The following IFT88 variants were observed in gnomAD, a reference collection of about 807,000 sequenced individuals.
IFT88 encodes the protein intraflagellar transport 88.
Under a neutral mutation model 119.5 loss-of-function variants are expected in IFT88, and 74 were observed. That is an observed-to-expected ratio of 0.62 (90% CI 0.51 to 0.75). The LOEUF (loss-of-function observed/expected upper bound fraction) is 0.75, where lower values mean the gene tolerates loss of function less well. Ranked by LOEUF, IFT88 falls within the 30% of genes least tolerant of loss-of-function variation. The pLI is 0.00. For synonymous variants in IFT88, 279 were observed against 316.7 expected (o/e 0.88, Z 1.26); for missense variants, 961 against 977.7 (o/e 0.98, Z 0.23).
chr13:20,646,396 A>G (rs1434750155), intron 20 of IFT88, among the ~76,000 whole-genome samples: 1 of 149,438 alleles, frequency 6.7e-6, no homozygotes, highest in Non-Finnish European at 1.5e-5. Flanking sequence ...TCTGCTTCCC[A>G]GGTTTAAGCG....
chr13:20,637,849 A>C (rs1382270476), intron 16 of IFT88, among the ~76,000 whole-genome samples: 1 of 152,234 alleles, frequency 6.6e-6, no homozygotes, highest in African/African-American at 2.4e-5. Context: ...ATTTAAGAAC[A>C]GAGAGGTTCC....
At position 20,660,898 on chromosome 13, in the gene IFT88, T is replaced by G. The variant is rs1413688805; in HGVS notation, c.2069-2600T>G. ...AGTTGGGGGCCATCTTCATATAAAT[T>G]TATTTCAGTATATTTAGCACATATT... On this transcript the variant is annotated intron_variant, in intron 22 of 25. Coordinates refer to ENST00000351808, the MANE Select transcript of IFT88 (RefSeq NM_006531.5). Among the ~76,000 whole-genome samples, 2 of 152,222 alleles carry G rather than the reference T, an allele frequency of 1.3e-5. 1 individual carries two copies. Among genetic ancestry groups the G allele is most frequent in the Middle Eastern group, 6.3e-3 (2 of 316 alleles).
chr13:20,665,198 T>C lies in IFT88; in HGVS notation c.2175+1594T>C, dbSNP rs528514918. On this transcript the variant is annotated intron_variant, in intron 23 of 25. Transcript: ENST00000351808. ...ACTATTCAAATACAGAAATGCTGTT[T>C]CAATATTTGCCAGTTTTCCCCCAAA... 5.3e-5 allele frequency among the ~76,000 whole-genome samples: 8 copies of C among 152,378 alleles called. No individual in the cohort carries two copies. In the South Asian group the frequency reaches 6.2e-4, roughly 12 times the overall value.
At chr13:20,648,129 G>C (rs758048510) in intron 20 of IFT88, among the ~76,000 whole-genome samples, 33 of 152,192 alleles carry the variant, frequency 2.2e-4, no homozygotes, top group Admixed American at 3.3e-4. Context: ...AAGCGTGATG[G>C]CTTATACCTG....
At chr13:20,685,242 G>C (rs1007864991) in intron 24 of IFT88, among the ~76,000 whole-genome samples, 1 of 152,074 alleles carries the variant, frequency 6.6e-6, no homozygotes, top group African/African-American at 2.4e-5. Flanking sequence ...GCAGTTTTCC[G>C]CTCCCGGGGG....
At chr13:20,675,895 T>A (rs907226267) in intron 24 of IFT88, among the ~76,000 whole-genome samples, 1 of 152,248 alleles carries the variant, frequency 6.6e-6, no homozygotes, top group African/African-American at 2.4e-5. Context: ...CACACTGTAG[T>A]TTGCTAATCC....
At chr13:20,640,761 C>A (rs2049808978) in intron 17 of IFT88, among the ~76,000 whole-genome samples, 1 of 151,928 alleles carries the variant, frequency 6.6e-6, no homozygotes, top group South Asian at 2.1e-4. Context: ...CTATTCCTGC[C>A]CCCTACCACA....
At chr13:20,613,745 A>G (rs761896565) in intron 13 of IFT88, among the ~76,000 whole-genome samples, 6 of 152,124 alleles carry the variant, frequency 3.9e-5, no homozygotes, top group Non-Finnish European at 7.4e-5. Context: ...TGATTCAGCC[A>G]TACAAAGGAA....
At chr13:20,607,978 C>A in intron 13 of IFT88, 1 of 599,356 alleles carries the variant, frequency 1.7e-6, no homozygotes. Flanking sequence ...CCTCCTGGCA[C>A]CACAGTGGAC....
chr13:20,690,777 C>T lies in IFT88; in HGVS notation c.2315C>T (p.Thr772Ile), dbSNP rs764717392. ...LSARLRALPG[T>I]NEPYESSSNK... is the part of the protein sequence containing the mutation. ...GCCAGACTCAGAGCTTTACCTGGGA[C>T]AAATGAACCTTATGAAAGTAGCAGT... Residue 772 changes from threonine (T) to isoleucine (I), a missense_variant, in exon 25 of 26, where the codon ACA (threonine) becomes ATA (isoleucine). Physicochemically the swap from Thr to Ile is moderately conservative, Grantham distance 89. Transcript: ENST00000351808. 1 of 1,613,556 alleles carries T rather than the reference C, an allele frequency of 6.2e-7. No individual in the cohort carries two copies. Among genetic ancestry groups the T allele is most frequent in the Admixed American group, 1.7e-5 (1 of 60,016 alleles).
At position 20,691,210 on chromosome 13, in the gene IFT88, G is replaced by T. The variant is rs150509113; in HGVS notation, c.*35G>T. ...TAATATTTATTAAAGGAAAGAAATTGCCTTATGAGATCATCCTCATGTTAA... is the reference window on the plus strand; with the variant it reads ...TAATATTTATTAAAGGAAAGAAATTTCCTTATGAGATCATCCTCATGTTAA... On this transcript the variant is annotated 3_prime_UTR_variant, in exon 26 of 26. Coordinates refer to ENST00000351808, the MANE Select transcript of IFT88 (RefSeq NM_006531.5). 41 of 1,576,356 alleles carry T rather than the reference G, an allele frequency of 2.6e-5. No homozygotes were observed. The African/African-American group carries it at 5.0e-4, about 19-fold the overall frequency.
intron 24 of IFT88, among the ~76,000 whole-genome samples, chr13:20,679,886 G>A (rs1419577593): frequency 6.6e-6 from 1 of 152,126 alleles, no homozygotes; most frequent in Non-Finnish European, 1.5e-5. Flanking sequence ...CCAAATAATA[G>A]GAACTCTTGC....
chr13:20,571,939 C>G (rs57087502), intron 1 of IFT88, among the ~76,000 whole-genome samples: 1 of 152,346 alleles, frequency 6.6e-6, no homozygotes, highest in East Asian at 1.9e-4. Flanking sequence ...CCCACCAACA[C>G]ACCCCAGCTT....
Position 20,650,940 on chromosome 13 carries a change from CTTGGCACCTT to C in IFT88, c.1950-2924_1950-2915del, listed in dbSNP as rs984576302. On this transcript the variant is annotated intron_variant, in intron 20 of 25. Coordinates refer to ENST00000351808, the MANE Select transcript of IFT88 (RefSeq NM_006531.5). ...GAGTGTCCCTTTTCCCTTGAGTGGT[CTTGGCACCTT>C]TTGGCACCTTTGTTGGAAATCAATT... Among the ~76,000 whole-genome samples, 26 of 152,188 alleles carry C rather than the reference CTTGGCACCTT, an allele frequency of 1.7e-4. 1 individual carries two copies. Among genetic ancestry groups the C allele is most frequent in the Middle Eastern group, 6.8e-3 (2 of 294 alleles).
intron 2 of IFT88, among the ~76,000 whole-genome samples, chr13:20,575,567 G>A (rs1464907389): frequency 1.3e-5 from 2 of 152,098 alleles, no homozygotes; most frequent in African/African-American, 4.8e-5. Context: ...GAATGGTTTA[G>A]CATGATCTTC....
At chr13:20,618,691 A>T (rs991184178) in intron 14 of IFT88, among the ~76,000 whole-genome samples, 1 of 152,202 alleles carries the variant, frequency 6.6e-6, no homozygotes, top group Non-Finnish European at 1.5e-5. Flanking sequence ...AATGCTCTCC[A>T]GGTAGTTGTC....
chr13:20,671,095 C>T (rs562384640), intron 24 of IFT88, 56 bp downstream of exon 24: 3 of 1,335,988 alleles, frequency 2.2e-6, no homozygotes, highest in Non-Finnish European at 3.2e-6. Context: ...AGTATGTGGG[C>T]TTCTGGAAAC....
chr13:20,645,497 T>C (rs2140367475), intron 20 of IFT88, among the ~76,000 whole-genome samples: 1 of 152,322 alleles, frequency 6.6e-6, no homozygotes, highest in South Asian at 2.1e-4. Context: ...TAAGATACTT[T>C]TCTTTATGTA....
intron 6 of IFT88, 140 bp downstream of exon 6, chr13:20,591,821 T>C: frequency 1.7e-6 from 1 of 588,706 alleles, no homozygotes; most frequent in South Asian, 2.2e-5. Flanking sequence ...TTAGGTACCA[T>C]TAAGAAAGGA....
Sources: allele counts gnomAD v4.1 joint callset (sites outside exome capture counted in the v4.1 genomes callset), GRCh38; gene constraint gnomAD v4.1.1; transcripts MANE v1.5; gene names NCBI Gene and HGNC (gene_info 2026-07-23, HGNC 2026-07-21).